Variants in PALM2AKAP2 observed in about 807,000 individuals in gnomAD.
PALM2AKAP2 encodes the protein PALM2-AKAP2 fusion protein.
Under a neutral mutation model 71.5 loss-of-function variants are expected in PALM2AKAP2, and 37 were observed. The observed-to-expected ratio is 0.52, with a 90% CI of 0.40 to 0.68. PALM2AKAP2 has a LOEUF of 0.68. Among genes scored for constraint, PALM2AKAP2 ranks in the 30% least tolerant of loss-of-function variants. PALM2AKAP2 has a pLI of 0.00. For missense variants in PALM2AKAP2, 1,224 were observed against 1,191.8 expected (o/e 1.03, Z -0.40); for synonymous variants, 468 against 478.8 (o/e 0.98, Z 0.29).
At chr9:109,700,223 G>A (rs1828032517) in intron 1 of PALM2AKAP2, among the ~76,000 whole-genome samples, 1 of 152,174 alleles carries the variant, frequency 6.6e-6, no homozygotes, top group African/African-American at 2.4e-5. Flanking sequence ...CGTGTCATGG[G>A]AGGGACGTGG....
Position 109,997,572 on chromosome 9 carries a change from A to C in PALM2AKAP2, c.497-18382A>C, listed in dbSNP as rs562065415. Among the ~76,000 whole-genome samples the C allele has an allele frequency of 2.0e-4, 30 of 152,292 alleles. No individual in the cohort carries two copies. In the South Asian group the frequency reaches 4.6e-3, roughly 23 times the overall value. On this transcript the variant is annotated intron_variant, in intron 6 of 9. Transcript: ENST00000302798. Reference sequence around the variant, plus strand: ...AGAGAGGACTCCCCTACTCAAGGAGAAATAGTTGGGGTTGCAGGAGAGGTT... The same window carrying C: ...AGAGAGGACTCCCCTACTCAAGGAGCAATAGTTGGGGTTGCAGGAGAGGTT...
chr9:110,124,872 A>G (rs1161192224), intron 1 of PALM2AKAP2, among the ~76,000 whole-genome samples: 1 of 152,196 alleles, frequency 6.6e-6, no homozygotes, highest in East Asian at 1.9e-4. Flanking sequence ...TTGTGAAATG[A>G]TATGAGTAAA....
At chr9:109,932,055 A>C in intron 6 of PALM2AKAP2, 27 bp downstream of exon 6, 1 of 1,600,062 alleles carries the variant, frequency 6.2e-7, no homozygotes, top group Non-Finnish European at 8.5e-7. Flanking sequence ...TTTGGACGCT[A>C]GGATGGTCCA....
intron 6 of PALM2AKAP2, among the ~76,000 whole-genome samples, chr9:110,005,902 C>T (rs1049595380): frequency 1.3e-5 from 2 of 152,118 alleles, no homozygotes; most frequent in African/African-American, 4.8e-5. Context: ...GGGAGTGACC[C>T]GATTTTCCAG....
At chr9:110,025,434 T>A (rs1833163418) in intron 7 of PALM2AKAP2, 12 of 682,916 alleles carry the variant, frequency 1.8e-5, no homozygotes, top group South Asian at 1.5e-4. Context: ...AGTTGATGGA[T>A]TTTGAGGTTG....
intron 6 of PALM2AKAP2, among the ~76,000 whole-genome samples, chr9:109,947,411 AT>A (rs1485925339): frequency 1.3e-5 from 2 of 152,188 alleles, no homozygotes; most frequent in Admixed American, 1.3e-4. Flanking sequence ...AAAACAGACT[AT>A]TTCTCTTTAC....
At chr9:109,728,342 C>G (rs561914783) in intron 1 of PALM2AKAP2, among the ~76,000 whole-genome samples, 146 of 152,310 alleles carry the variant, frequency 9.6e-4, no homozygotes, top group Non-Finnish European at 1.8e-3. Flanking sequence ...TGCCTTACAT[C>G]TCATAGTTAA....
intron 3 of PALM2AKAP2, among the ~76,000 whole-genome samples, chr9:109,893,500 T>C (rs35862368): frequency 0.11 from 16,104 of 152,130 alleles, 1,063 homozygotes; most frequent in East Asian, 0.22. Context: ...CTGAAATGCA[T>C]TGGTGTGATC....
chr9:109,701,841 C>T (rs1828065611), intron 1 of PALM2AKAP2, among the ~76,000 whole-genome samples: 1 of 152,130 alleles, frequency 6.6e-6, no homozygotes, highest in Admixed American at 6.5e-5. Context: ...TTGCAATCTA[C>T]TCATCTGACA....
intron 1 of PALM2AKAP2, among the ~76,000 whole-genome samples, chr9:109,743,069 G>A (rs986198910): frequency 6.6e-6 from 1 of 152,092 alleles, no homozygotes; most frequent in African/African-American, 2.4e-5. Flanking sequence ...CATTTTTCAA[G>A]GAGCTGATTC....
At chr9:109,679,557 A>T (rs911331910) in intron 1 of PALM2AKAP2, among the ~76,000 whole-genome samples, 7 of 152,162 alleles carry the variant, frequency 4.6e-5, no homozygotes, top group African/African-American at 1.7e-4. Context: ...TGGGCTTCAG[A>T]TGCCTCTTGA....
chr9:109,824,228 A>C (rs1235463496), intron 1 of PALM2AKAP2, among the ~76,000 whole-genome samples: 1 of 152,214 alleles, frequency 6.6e-6, no homozygotes, highest in African/African-American at 2.4e-5. Flanking sequence ...AGGGTTTCCA[A>C]GGCCACTAGC....
intron 2 of PALM2AKAP2, 141 bp from the exon 9 acceptor site, chr9:110,156,178 A>T: frequency 8.1e-7 from 1 of 1,231,348 alleles, no homozygotes; most frequent in East Asian, 2.6e-5. Flanking sequence ...CTGTAATATA[A>T]TAAAATGGCC....
intron 2 of PALM2AKAP2, among the ~76,000 whole-genome samples, chr9:110,152,251 A>G (rs1836335598): frequency 6.6e-6 from 1 of 151,352 alleles, no homozygotes; most frequent in Non-Finnish European, 1.5e-5. Context: ...AAAGAAAAAA[A>G]AGTGTTCTAT....
At chr9:110,167,354 C>T (rs1836762037) in intron 3 of PALM2AKAP2, among the ~76,000 whole-genome samples, 4 of 152,224 alleles carry the variant, frequency 2.6e-5, no homozygotes, top group Admixed American at 2.6e-4. Context: ...AAATCAGAAA[C>T]TGTACATCCT....
chr9:109,879,480 A>G (rs1829796676), intron 2 of PALM2AKAP2, among the ~76,000 whole-genome samples: 1 of 152,208 alleles, frequency 6.6e-6, no homozygotes, highest in Non-Finnish European at 1.5e-5. Context: ...GCCGTCTGCC[A>G]TCTAGGGACC....
At chr9:110,074,734 G>A (rs1834281565) in intron 1 of PALM2AKAP2, among the ~76,000 whole-genome samples, 2 of 152,204 alleles carry the variant, frequency 1.3e-5, no homozygotes, top group African/African-American at 4.8e-5. Flanking sequence ...TGGGTGTGGT[G>A]GTTCACGCCC....
At chr9:109,890,284 G>A (rs1830057573) in intron 3 of PALM2AKAP2, among the ~76,000 whole-genome samples, 1 of 152,148 alleles carries the variant, frequency 6.6e-6, no homozygotes. Flanking sequence ...TCCCCACTTC[G>A]TGTTTCCCCT....
chr9:110,110,542 CTTTTTTTTT>C (rs559402514), intron 1 of PALM2AKAP2, among the ~76,000 whole-genome samples: 31,844 of 96,754 alleles, frequency 0.33, 4,062 homozygotes, highest in Middle Eastern at 0.44. Flanking sequence ...TTTCTGAACT[CTTTTTTTTT>C]TTTTTTTTTT....
Sources: allele counts gnomAD v4.1 joint callset (sites outside exome capture counted in the v4.1 genomes callset), GRCh38; gene constraint gnomAD v4.1.1; transcripts MANE v1.5; gene names NCBI Gene and HGNC (gene_info 2026-07-23, HGNC 2026-07-21).